OR56A3: variants seen among roughly 807,000 people sequenced by gnomAD.
The protein encoded by OR56A3 is olfactory receptor family 56 subfamily A member 3, also known as olfactory receptor 56A3.
Under a neutral mutation model 17.5 loss-of-function variants are expected in OR56A3, and 23 were observed. The ratio of observed to expected loss-of-function variants is 1.32; its 90% confidence interval spans 0.95 to 1.87. The LOEUF (loss-of-function observed/expected upper bound fraction) is 1.87, where lower values mean the gene tolerates loss of function less well. Among genes scored for constraint, OR56A3 ranks in the 40% most tolerant of loss-of-function variants. The probability of loss-of-function intolerance (pLI) is 0.00; values close to 1 mark genes in which losing one functional copy is unlikely to be tolerated. For missense variants in OR56A3, 366 were observed against 380.1 expected, an observed-to-expected ratio of 0.96 and a Z score of 0.31; for synonymous variants, 175 against 150.6, an observed-to-expected ratio of 1.16 and a Z score of -1.19.
chr11:5,976,128 G>A, the OR56A3 span, among the ~76,000 whole-genome samples: 1 of 151,842 alleles, frequency 6.6e-6, no homozygotes, highest in African/African-American at 2.4e-5. Context: ...AGGAGCAGGA[G>A]GAAAGGAACT....
chr11:5,984,739 C>G, the OR56A3 span, among the ~76,000 whole-genome samples: 5 of 152,124 alleles, frequency 3.3e-5, no homozygotes, highest in Non-Finnish European at 7.3e-5. Flanking sequence ...AGACAGAGTA[C>G]TAGTTATTAT....
At chr11:5,943,360 C>G (rs1400045713) in intron 1 of OR56A3, 1 of 152,072 alleles carries the variant, frequency 6.6e-6, no homozygotes, top group African/African-American at 2.4e-5. Flanking sequence ...GCCTAAGTCA[C>G]TAGATCTTCC....
the OR56A3 span, among the ~76,000 whole-genome samples, chr11:6,003,518 C>A: frequency 1.3e-5 from 2 of 152,138 alleles, no homozygotes; most frequent in Non-Finnish European, 2.9e-5. Flanking sequence ...GCTCAGGGAA[C>A]CAGGACGCCA....
the OR56A3 span, among the ~76,000 whole-genome samples, chr11:5,966,271 G>A: frequency 6.6e-6 from 1 of 151,602 alleles, no homozygotes; most frequent in Non-Finnish European, 1.5e-5. Flanking sequence ...CTACTTGGGA[G>A]GCTGAGGTGG....
chr11:5,999,729 T>C, the OR56A3 span: 1 of 152,362 alleles, frequency 6.6e-6, no homozygotes, highest in South Asian at 2.1e-4. Context: ...ACAGATTTTG[T>C]TCAACACATT....
chr11:5,968,177 G>A, the OR56A3 span: 1 of 1,614,092 alleles, frequency 6.2e-7, no homozygotes. Context: ...AACTGTTCAT[G>A]ATGAACACCT....
At chr11:5,985,914 G>A in the OR56A3 span, 62,622 of 1,562,110 alleles carry the variant, frequency 0.04, 1,399 homozygotes, top group Non-Finnish European at 0.046. Context: ...AGAAGCCTCC[G>A]AAGGAAACAA....
At chr11:6,005,208 T>C in the OR56A3 span, among the ~76,000 whole-genome samples, 2 of 152,158 alleles carry the variant, frequency 1.3e-5, no homozygotes, top group African/African-American at 2.4e-5. Context: ...GGGGCTGTCA[T>C]ATTCTGAAGT....
the OR56A3 span, among the ~76,000 whole-genome samples, chr11:5,991,427 A>G: frequency 6.6e-6 from 1 of 152,218 alleles, no homozygotes; most frequent in Non-Finnish European, 1.5e-5. Flanking sequence ...AGGAGATTAA[A>G]GAGAGAGGGA....
At chr11:5,962,587 G>T in the OR56A3 span, among the ~76,000 whole-genome samples, 1 of 148,596 alleles carries the variant, frequency 6.7e-6, no homozygotes, top group Admixed American at 6.7e-5. Context: ...GCCAGACTGC[G>T]GACTGCAGTG....
At chr11:6,005,518 A>G in the OR56A3 span, among the ~76,000 whole-genome samples, 1 of 152,234 alleles carries the variant, frequency 6.6e-6, no homozygotes, top group African/African-American at 2.4e-5. Context: ...CGTACATTGT[A>G]GGAAATCACA....
At chr11:6,002,254 G>T in the OR56A3 span, 1 of 1,614,100 alleles carries the variant, frequency 6.2e-7, no homozygotes, top group South Asian at 1.1e-5. Flanking sequence ...AGGATGAAGT[G>T]GGAACCACAC....
chr11:5,995,870 G>C, the OR56A3 span, among the ~76,000 whole-genome samples: 1 of 152,010 alleles, frequency 6.6e-6, no homozygotes, highest in Non-Finnish European at 1.5e-5. Context: ...TTTATCTTTT[G>C]ACCAACATCT....
chr11:5,966,959 GA>G, the OR56A3 span, among the ~76,000 whole-genome samples: 11 of 146,300 alleles, frequency 7.5e-5, no homozygotes, highest in South Asian at 2.2e-4. Context: ...AAATCACTAG[GA>G]AAAAAAACTA....
chr11:5,994,723 A>T, the OR56A3 span: 1 of 822,516 alleles, frequency 1.2e-6, no homozygotes. Flanking sequence ...TGATGCGGGC[A>T]TTGTCCACAG....
the OR56A3 span, chr11:5,967,896 C>T: frequency 1.9e-6 from 3 of 1,587,386 alleles, no homozygotes; most frequent in Non-Finnish European, 2.6e-6. Context: ...AAACTGGTAG[C>T]TCTGATTCAA....
downstream of OR56A3, among the ~76,000 whole-genome samples, chr11:5,955,048 A>G (rs536710426): frequency 2.6e-4 from 40 of 152,336 alleles, no homozygotes; most frequent in Non-Finnish European, 5.6e-4. Flanking sequence ...ATCACTGGGG[A>G]AAGAATGATT....
At chr11:5,958,595 A>C in the OR56A3 span, among the ~76,000 whole-genome samples, 1 of 152,138 alleles carries the variant, frequency 6.6e-6, no homozygotes, top group South Asian at 2.1e-4. Flanking sequence ...CTAGTTAACA[A>C]ATGCATTACT....
chr11:5,958,694 A>G, the OR56A3 span, among the ~76,000 whole-genome samples: 3 of 152,126 alleles, frequency 2.0e-5, no homozygotes, highest in African/African-American at 7.2e-5. Context: ...ATTATTAACT[A>G]TAGTCAACAT....
Sources: gnomAD v4.1 joint callset for allele counts (sites outside exome capture counted in the v4.1 genomes callset) on GRCh38, gnomAD v4.1.1 for gene constraint, MANE v1.5 for transcripts, NCBI Gene and HGNC (gene_info 2026-07-23, HGNC 2026-07-21) for gene names.